Variants in SHANK2 observed in about 807,000 individuals in gnomAD.
SHANK2 encodes SH3 and multiple ankyrin repeat domains 2, also known as SH3 and multiple ankyrin repeat domains protein 2.
In SHANK2, 43 loss-of-function variants were observed where a neutral mutation model predicts 133.7. The observed-to-expected ratio is 0.32, with a 90% CI of 0.25 to 0.41. The LOEUF (loss-of-function observed/expected upper bound fraction) is 0.41, where lower values mean the gene tolerates loss of function less well. SHANK2 is among the 10% of genes least tolerant of loss of function. The pLI is 1.00. For missense variants in SHANK2, 1,994 were observed against 2,235.8 expected, an observed-to-expected ratio of 0.89 and a Z score of 2.18; for synonymous variants, 1,017 against 952.8, an observed-to-expected ratio of 1.07 and a Z score of -1.24.
chr11:71,156,636 A>G (rs1952911167), intron 2 of SHANK2, among the ~76,000 whole-genome samples: 1 of 152,112 alleles, frequency 6.6e-6, no homozygotes, highest in Non-Finnish European at 1.5e-5. Flanking sequence ...AACTAATTCC[A>G]TTACACATAC....
Position 70,490,398 on chromosome 11 carries a change from G to C in SHANK2, c.2440-11C>G. On this transcript the variant is annotated splice_polypyrimidine_tract_variant and intron_variant, in intron 22 of 25. Coordinates refer to ENST00000601538, the MANE Select transcript of SHANK2 (RefSeq NM_012309.5). Reference sequence around the variant, plus strand: ...GCGTTCGTACACAGACTGCAAACCAGAGAGCCTAGGGTGAGACGCAGCCCT... The same window carrying C: ...GCGTTCGTACACAGACTGCAAACCACAGAGCCTAGGGTGAGACGCAGCCCT... The C allele has an allele frequency of 6.2e-7, 1 of 1,611,998 alleles. No homozygotes were observed.
At chr11:71,200,574 CACTCTACATTTAACATA>C (rs1565510589) in intron 2 of SHANK2, among the ~76,000 whole-genome samples, 1 of 145,356 alleles carries the variant, frequency 6.9e-6, no homozygotes, top group Non-Finnish European at 1.5e-5. Context: ...CATTTGACTT[CACTCTACATTTAACATA>C]ACTCTACATT....
chr11:70,549,391 C>T (rs1260521898), intron 17 of SHANK2, among the ~76,000 whole-genome samples: 3 of 152,186 alleles, frequency 2.0e-5, no homozygotes, highest in African/African-American at 7.2e-5. Context: ...AGTGAAGGGC[C>T]CTTAAAAATA....
intron 17 of SHANK2, among the ~76,000 whole-genome samples, chr11:70,573,930 C>A (rs953086742): frequency 1.3e-5 from 2 of 152,238 alleles, no homozygotes; most frequent in African/African-American, 2.4e-5. Flanking sequence ...GGGCTCCACA[C>A]CCTGCCCCAG....
intron 17 of SHANK2, among the ~76,000 whole-genome samples, chr11:70,562,490 T>C (rs1027584015): frequency 1.2e-4 from 19 of 152,244 alleles, no homozygotes; most frequent in African/African-American, 3.9e-4. Context: ...TGTCCTTCCA[T>C]AGAACTGACC....
chr11:70,730,082 G>A (rs1264268616), intron 14 of SHANK2, among the ~76,000 whole-genome samples: 1 of 152,078 alleles, frequency 6.6e-6, no homozygotes, highest in African/African-American at 2.4e-5. Flanking sequence ...CAATGCACGT[G>A]AAGCTCTTAG....
At chr11:71,227,914 T>C (rs1435388585) in intron 1 of SHANK2, among the ~76,000 whole-genome samples, 2 of 145,464 alleles carry the variant, frequency 1.4e-5, no homozygotes, top group African/African-American at 5.1e-5. Flanking sequence ...AACATATGAG[T>C]GGGAAAAAAT....
intron 11 of SHANK2, among the ~76,000 whole-genome samples, chr11:70,856,333 G>C (rs1302295908): frequency 1.3e-5 from 2 of 152,116 alleles, no homozygotes; most frequent in Non-Finnish European, 2.9e-5. Context: ...TGGGTGGTTA[G>C]GTGGGCGCAT....
rs1554974119 is a variant in SHANK2, at chr11:70,535,930, T to C, written c.2062-32999A>G. ...CCCAGGAAAGGCACATAGCCCAGAA[T>C]GGACATGTGGCTCACCCGAGGCTGG... On this transcript the variant is annotated intron_variant, in intron 17 of 25. Transcript: ENST00000601538. This position sits in a 1 kb window ranked among gnomAD's most constrained non-coding sequence, Gnocchi z 4.3. Among the ~76,000 whole-genome samples, 1 of 152,204 alleles carries C rather than the reference T, an allele frequency of 6.6e-6. No homozygotes were observed. Among genetic ancestry groups the C allele is most frequent in the Non-Finnish European group, 1.5e-5 (1 of 68,032 alleles).
intron 1 of SHANK2, among the ~76,000 whole-genome samples, chr11:71,228,540 C>T (rs1400083558): frequency 6.6e-6 from 1 of 152,162 alleles, no homozygotes; most frequent in Non-Finnish European, 1.5e-5. Flanking sequence ...GTTGCATTAC[C>T]CGAGGTCAGG....
intron 17 of SHANK2, among the ~76,000 whole-genome samples, chr11:70,657,980 C>A (rs894710744): frequency 2.0e-5 from 3 of 152,310 alleles, no homozygotes; most frequent in Admixed American, 2.0e-4. Context: ...CACACACGTG[C>A]CTCAGCAGGC....
chr11:71,133,640 T>A (rs1284028842), intron 3 of SHANK2, among the ~76,000 whole-genome samples: 33 of 151,650 alleles, frequency 2.2e-4, no homozygotes, highest in Non-Finnish European at 4.1e-4. Flanking sequence ...GGAGGGGTGG[T>A]CTAGGGGGCC....
intron 2 of SHANK2, among the ~76,000 whole-genome samples, chr11:71,193,893 G>A (rs1185940416): frequency 2.0e-5 from 3 of 152,246 alleles, no homozygotes; most frequent in African/African-American, 4.8e-5. Context: ...AATAGATCAG[G>A]CCCCACCCTA....
At chr11:70,591,325 A>G (rs2060318040) in intron 17 of SHANK2, among the ~76,000 whole-genome samples, 1 of 151,822 alleles carries the variant, frequency 6.6e-6, no homozygotes, top group African/African-American at 2.4e-5. Context: ...GCACTCCAGT[A>G]TGGGCTACAG....
intron 17 of SHANK2, among the ~76,000 whole-genome samples, chr11:70,558,367 G>A (rs2059860796): frequency 6.6e-6 from 1 of 152,200 alleles, no homozygotes; most frequent in African/African-American, 2.4e-5. Flanking sequence ...CGTCAGCATC[G>A]GGCTCAGCCC....
At chr11:71,155,547 C>A (rs1952892264) in intron 2 of SHANK2, among the ~76,000 whole-genome samples, 1 of 152,194 alleles carries the variant, frequency 6.6e-6, no homozygotes, top group African/African-American at 2.4e-5. Flanking sequence ...CCACCAGCCC[C>A]CAGTAACTGA....
In SHANK2 at chr11:71,123,658, G is replaced by C. The variant is rs1952118677; in HGVS notation, c.208-4626C>G. 2.0e-5 allele frequency among the ~76,000 whole-genome samples: 3 copies of C among 152,310 alleles called. No individual in the cohort carries two copies. The South Asian group carries it at 6.2e-4, about 32-fold the overall frequency. On this transcript the variant is annotated intron_variant, in intron 3 of 25. Transcript: ENST00000601538. Reference sequence around the variant, plus strand: ...GTTCTCCTTGAGGAGAACAGTATCTGATTCTGGTCTCCCCACAGCCCTGCG... The same window carrying C: ...GTTCTCCTTGAGGAGAACAGTATCTCATTCTGGTCTCCCCACAGCCCTGCG...
chr11:71,166,288 C>T (rs782104983), intron 2 of SHANK2, among the ~76,000 whole-genome samples: 2 of 152,172 alleles, frequency 1.3e-5, no homozygotes, highest in Non-Finnish European at 2.9e-5. Context: ...GACGGGCAGA[C>T]AGGACCTCTG....
At chr11:71,195,866 T>C (rs536179478) in intron 2 of SHANK2, among the ~76,000 whole-genome samples, 1 of 152,216 alleles carries the variant, frequency 6.6e-6, no homozygotes, top group African/African-American at 2.4e-5. Context: ...CTGCCTGCCA[T>C]AGAGGAGAGT....
Sources: allele counts gnomAD v4.1 joint callset (sites outside exome capture counted in the v4.1 genomes callset), GRCh38; gene constraint gnomAD v4.1.1; non-coding constraint Gnocchi (gnomAD v3.1); transcripts MANE v1.5; gene names NCBI Gene and HGNC (gene_info 2026-07-23, HGNC 2026-07-21).